NWD2: variants seen among roughly 807,000 people sequenced by gnomAD.
NWD2 encodes NACHT and WD repeat domain containing 2.
NWD2 carries 37 observed loss-of-function variants against 132.7 expected under a neutral mutation model. The observed-to-expected ratio is 0.28, with a 90% CI of 0.21 to 0.37. NWD2 has a LOEUF of 0.37. NWD2 is among the 10% of genes least tolerant of loss of function. The pLI, the probability that NWD2 is intolerant of heterozygous loss-of-function variation, is 1.00. For missense variants in NWD2, 1,592 were observed against 2,122.4 expected (o/e 0.75, Z 4.91); for synonymous variants, 705 against 803.0 (o/e 0.88, Z 2.06).
At chr4:37,261,655 C>A (rs1197976488) in intron 1 of NWD2, among the ~76,000 whole-genome samples, 1 of 152,224 alleles carries the variant, frequency 6.6e-6, no homozygotes, top group Non-Finnish European at 1.5e-5. Flanking sequence ...TAAACATACA[C>A]ATAGCCCCTA....
At chr4:37,335,354 T>C (rs1719384034) in intron 2 of NWD2, among the ~76,000 whole-genome samples, 1 of 149,766 alleles carries the variant, frequency 6.7e-6, no homozygotes, top group Non-Finnish European at 1.5e-5. Context: ...AAATTCCTCC[T>C]AATTCATTAA....
intron 1 of NWD2, 135 bp from the exon 2 acceptor site, chr4:37,325,801 T>C: frequency 1.7e-6 from 1 of 577,866 alleles, no homozygotes; most frequent in East Asian, 3.1e-5. Context: ...AACAGCCAAA[T>C]ATCCTGTTAT....
rs1712664904 is a variant in NWD2 at position 37,447,275 on chromosome 4, G to A, written c.*58G>A. 1 of 1,297,710 alleles carries A rather than the reference G, an allele frequency of 7.7e-7. No homozygotes were observed. The allele number at this position is 1,297,710 out of a possible 1,614,324, so 80.4% of individuals were successfully genotyped here. ...ATCCACGTACAGAAGGGAAAAAAAT[G>A]TGCCCCAAATGATAAACTATTCATT... On this transcript the variant is annotated 3_prime_UTR_variant, in exon 7 of 7. Coordinates refer to ENST00000309447, the MANE Select transcript of NWD2 (RefSeq NM_001144990.2).
intron 1 of NWD2, among the ~76,000 whole-genome samples, chr4:37,292,163 G>A (rs1406246152): frequency 6.6e-6 from 1 of 152,136 alleles, no homozygotes; most frequent in Non-Finnish European, 1.5e-5. Context: ...TCCGTTGTCA[G>A]GGCAAATTCC....
At chr4:37,355,258 C>A (rs544013243) in intron 2 of NWD2, among the ~76,000 whole-genome samples, 17 of 152,240 alleles carry the variant, frequency 1.1e-4, no homozygotes, top group African/African-American at 3.9e-4. Context: ...CATAGAGCCC[C>A]CAAAATCAAA....
chr4:37,287,006 G>A (rs1267540882), intron 1 of NWD2, among the ~76,000 whole-genome samples: 1 of 152,136 alleles, frequency 6.6e-6, no homozygotes, highest in Admixed American at 6.5e-5. Context: ...GGTGACTGAC[G>A]TGATCCATGG....
intron 1 of NWD2, among the ~76,000 whole-genome samples, chr4:37,276,699 C>T (rs191392569): frequency 1.1e-3 from 163 of 152,124 alleles, no homozygotes; most frequent in African/African-American, 2.7e-3. Context: ...ATGTTTATCG[C>T]GGCACTATTC....
intron 3 of NWD2, among the ~76,000 whole-genome samples, chr4:37,399,856 C>A (rs1259777410): frequency 6.6e-6 from 1 of 152,296 alleles, no homozygotes; most frequent in East Asian, 1.9e-4. Flanking sequence ...CATTCCAGAA[C>A]TAAAGAATCA....
chr4:37,353,802 C>T (rs1286158646), intron 2 of NWD2, among the ~76,000 whole-genome samples: 2 of 151,992 alleles, frequency 1.3e-5, no homozygotes, highest in Non-Finnish European at 2.9e-5. Context: ...GCTCCTTTAG[C>T]TTGGTGGAGT....
chr4:37,320,817 C>A (rs566753375), intron 1 of NWD2, among the ~76,000 whole-genome samples: 2 of 152,234 alleles, frequency 1.3e-5, no homozygotes, highest in African/African-American at 4.8e-5. Flanking sequence ...AGCAGAGGAT[C>A]TATAGTGGAT....
intron 5 of NWD2, among the ~76,000 whole-genome samples, chr4:37,437,829 C>T (rs1159356212): frequency 1.3e-5 from 2 of 152,000 alleles, no homozygotes; most frequent in Non-Finnish European, 2.9e-5. Context: ...GTATTGTAAG[C>T]CATAATACGG....
At chr4:37,436,454 A>T (rs1712324001) in intron 5 of NWD2, among the ~76,000 whole-genome samples, 1 of 152,108 alleles carries the variant, frequency 6.6e-6, no homozygotes, top group Non-Finnish European at 1.5e-5. Context: ...TGTGTACAGC[A>T]TTTATCCCCC....
At chr4:37,392,207 A>C (rs1349885119) in intron 3 of NWD2, among the ~76,000 whole-genome samples, 1 of 152,192 alleles carries the variant, frequency 6.6e-6, no homozygotes, top group East Asian at 1.9e-4. Flanking sequence ...TCTCAAAAAA[A>C]CATAATTAAT....
intron 1 of NWD2, among the ~76,000 whole-genome samples, chr4:37,271,531 T>C (rs1001453203): frequency 6.6e-6 from 1 of 151,850 alleles, no homozygotes; most frequent in South Asian, 2.1e-4. Context: ...GATGTTTATA[T>C]TGACCTTAAA....
intron 1 of NWD2, among the ~76,000 whole-genome samples, chr4:37,311,031 C>T (rs1026538452): frequency 1.3e-4 from 20 of 151,982 alleles, no homozygotes; most frequent in Non-Finnish European, 2.4e-4. Context: ...TCCAGTCTAT[C>T]GTTGTTGGAC....
In NWD2 at chr4:37,328,672, C is replaced by T. The variant is rs142596123; in HGVS notation, c.240+2648C>T. The stretch of plus-strand genomic sequence containing the variant: ...ATGGGCATTTGGGTTGGTTCCAAGT[C>T]TTTGCTATTGTGAATAGTGCTGCAA... On this transcript the variant is annotated intron_variant, in intron 2 of 6. Coordinates refer to ENST00000309447, the MANE Select transcript of NWD2 (RefSeq NM_001144990.2). 2.0e-5 allele frequency among the ~76,000 whole-genome samples: 3 copies of T among 152,190 alleles called. No homozygotes were observed. The South Asian group carries it at 6.2e-4, about 32-fold the overall frequency.
rs183869523 is a variant in NWD2, at chr4:37,264,690, T to C, written c.151+19472T>C. On this transcript the variant is annotated intron_variant, in intron 1 of 6. Coordinates refer to ENST00000309447, the MANE Select transcript of NWD2 (RefSeq NM_001144990.2). ...AATGTAAAAATGAGTCTTTATTCTGTAAGAAAATCAGAAGCAAAACAGAAT... is the reference window on the plus strand; with the variant it reads ...AATGTAAAAATGAGTCTTTATTCTGCAAGAAAATCAGAAGCAAAACAGAAT... 1.3e-4 allele frequency among the ~76,000 whole-genome samples: 20 copies of C among 152,308 alleles called. No individual in the cohort carries two copies. The East Asian group carries it at 3.7e-3, about 28-fold the overall frequency.
chr4:37,430,605 A>G lies in NWD2; in HGVS notation c.391A>G (p.Ile131Val), dbSNP rs973494027. The G allele has an allele frequency of 3.7e-5, 57 of 1,551,540 alleles. No individual in the cohort carries two copies. The highest frequency in any genetic ancestry group is 5.0e-5 in the Non-Finnish European group (57 of 1,146,940). The change falls in exon 4 of 7, where the codon ATC becomes GTC. Residue 131 changes from isoleucine (I) to valine (V), a missense_variant. Ile to Val is a conservative substitution (Grantham distance 29, BLOSUM62 3). Coordinates refer to ENST00000309447, the MANE Select transcript of NWD2 (RefSeq NM_001144990.2). ...AGGTGAAAAATATGGGAATATCCGA[A>G]TCCCTGGAGAAGTTGAAGCCTCAGA... ...LLGEKYGNIRIPGEVEASEFE... is the reference protein window; with the variant it reads ...LLGEKYGNIRVPGEVEASEFE...
chr4:37,326,616 C>T (rs909917451), intron 2 of NWD2, among the ~76,000 whole-genome samples: 1 of 152,020 alleles, frequency 6.6e-6, no homozygotes, highest in African/African-American at 2.4e-5. Flanking sequence ...TGCCATCTAA[C>T]GGTAAAGTGC....
Sources: gnomAD v4.1 joint callset for allele counts (sites outside exome capture counted in the v4.1 genomes callset) on GRCh38, gnomAD v4.1.1 for gene constraint, MANE v1.5 for transcripts, NCBI Gene and HGNC (gene_info 2026-07-23, HGNC 2026-07-21) for gene names.